Variants in PSEN1 observed in about 807,000 individuals in gnomAD.
PSEN1 encodes the protein presenilin 1.
Under a neutral mutation model 53.5 loss-of-function variants are expected in PSEN1, and 15 were observed. The ratio of observed to expected loss-of-function variants is 0.28; its 90% CI spans 0.19 to 0.43. PSEN1 has a LOEUF of 0.43. Among genes scored for constraint, PSEN1 ranks in the 20% least tolerant of loss-of-function variants. The probability of loss-of-function intolerance (pLI) is 1.00; values close to 1 mark genes in which losing one functional copy is unlikely to be tolerated. For synonymous variants in PSEN1, 208 were observed against 209.8 expected (o/e 0.99, Z 0.08); for missense variants, 387 against 571.2 (o/e 0.68, Z 3.29).
intron 6 of PSEN1, 30 bp downstream of exon 6, chr14:73,186,950 C>T: frequency 6.7e-7 from 1 of 1,497,368 alleles, no homozygotes; most frequent in Non-Finnish European, 9.3e-7. Context: ...GTCTGTCTTT[C>T]AGAATTAACT....
chr14:73,176,640 C>T (rs1898055602), intron 5 of PSEN1, among the ~76,000 whole-genome samples: 1 of 152,206 alleles, frequency 6.6e-6, no homozygotes, highest in Admixed American at 6.5e-5. Context: ...CTTTTCTCTG[C>T]TTTTAAGCAT....
intron 7 of PSEN1, 107 bp downstream of exon 7, chr14:73,192,971 C>T: frequency 1.1e-6 from 1 of 870,956 alleles, no homozygotes; most frequent in East Asian, 2.4e-5. Context: ...CGTGTACATC[C>T]CATAACTCTT....
At chr14:73,186,697 A>G (rs1898526255) in intron 5 of PSEN1, among the ~76,000 whole-genome samples, 156 bp from the exon 6 acceptor site, 1 of 152,186 alleles carries the variant, frequency 6.6e-6, no homozygotes, top group African/African-American at 2.4e-5. Flanking sequence ...GAATTGCTTG[A>G]ACCCAGGAGG....
rs778800054 is a variant in PSEN1 at position 73,211,884 on chromosome 14, A to G, written c.1071A>G (p.Ser357=). 13 of 1,613,914 alleles carry G rather than the reference A, an allele frequency of 8.1e-6. No individual in the cohort carries two copies. In the East Asian group the frequency reaches 2.9e-4, roughly 36 times the overall value. ...HLGPHRSTPE[S]RAAVQELSSS... is the part of the protein sequence containing the mutation. The stretch of plus-strand genomic sequence containing the variant: ...GGCCTCATCGCTCTACACCTGAGTC[A>G]CGAGCTGCTGTCCAGGAACTTTCCA... Residue 357 remains serine (S), a synonymous_variant, in exon 10 of 12, where the codon TCA becomes TCG. Transcript: ENST00000324501.
At chr14:73,197,094 A>G (rs1313739830) in intron 7 of PSEN1, among the ~76,000 whole-genome samples, 1 of 151,872 alleles carries the variant, frequency 6.6e-6, no homozygotes, top group Non-Finnish European at 1.5e-5. Context: ...CACCACACCC[A>G]GCTAATTTTT....
chr14:73,150,951 C>T (rs931499467), intron 3 of PSEN1, among the ~76,000 whole-genome samples: 2 of 151,682 alleles, frequency 1.3e-5, no homozygotes, highest in African/African-American at 2.4e-5. Flanking sequence ...GCCTGTAGTC[C>T]CAGCTACTTG....
intron 5 of PSEN1, among the ~76,000 whole-genome samples, chr14:73,184,540 G>C (rs1453661295): frequency 1.1e-3 from 134 of 123,914 alleles, no homozygotes; most frequent in African/African-American, 4.0e-3. Flanking sequence ...CCTCCCTCTC[G>C]GACAGGGCGG....
intron 3 of PSEN1, among the ~76,000 whole-genome samples, chr14:73,164,014 A>G (rs1897634562): frequency 6.6e-6 from 1 of 152,212 alleles, no homozygotes; most frequent in Non-Finnish European, 1.5e-5. Flanking sequence ...AAGCCTATTA[A>G]CAGTAATCCA....
At chr14:73,158,744 G>A (rs1223260531) in intron 3 of PSEN1, among the ~76,000 whole-genome samples, 4 of 152,206 alleles carry the variant, frequency 2.6e-5, no homozygotes. Context: ...TTATAGGCAT[G>A]AGCCTCTATG....
At chr14:73,201,290 G>C (rs376883976) in intron 8 of PSEN1, among the ~76,000 whole-genome samples, 2 of 152,120 alleles carry the variant, frequency 1.3e-5, no homozygotes, top group South Asian at 4.1e-4. Flanking sequence ...GTTTCACCAT[G>C]TTAGCCAGGA....
intron 7 of PSEN1, 115 bp from the exon 8 acceptor site, chr14:73,197,916 T>G: frequency 1.4e-6 from 1 of 692,022 alleles, no homozygotes; most frequent in Non-Finnish European, 2.6e-6. Flanking sequence ...TCTTTTTGTG[T>G]AAAAAGAGAC....
intron 5 of PSEN1, among the ~76,000 whole-genome samples, chr14:73,182,725 G>T (rs1021731710): frequency 4.6e-5 from 7 of 152,008 alleles, no homozygotes; most frequent in African/African-American, 1.7e-4. Context: ...TGTAATCCCA[G>T]CTACTCGGGA....
At chr14:73,209,749 A>C (rs1249593254) in intron 9 of PSEN1, among the ~76,000 whole-genome samples, 1 of 152,232 alleles carries the variant, frequency 6.6e-6, no homozygotes, top group Non-Finnish European at 1.5e-5. Context: ...AGGAAGTGGT[A>C]ATAGGGGACG....
At chr14:73,180,036 G>A (rs1898163467) in intron 5 of PSEN1, among the ~76,000 whole-genome samples, 2 of 151,916 alleles carry the variant, frequency 1.3e-5, no homozygotes, top group Non-Finnish European at 2.9e-5. Flanking sequence ...CCAGGCTGGA[G>A]TGTAGTGGCA....
At chr14:73,151,635 A>G (rs1897226340) in intron 3 of PSEN1, among the ~76,000 whole-genome samples, 1 of 152,028 alleles carries the variant, frequency 6.6e-6, no homozygotes. Flanking sequence ...AACTCACTGC[A>G]ACCTCGACCT....
At chr14:73,177,389 G>A (rs537706540) in intron 5 of PSEN1, among the ~76,000 whole-genome samples, 1 of 149,868 alleles carries the variant, frequency 6.7e-6, no homozygotes, top group African/African-American at 2.5e-5. Flanking sequence ...TTTTTTGTGT[G>A]TGTGTTTTTG....
In PSEN1 at chr14:73,207,322, T is replaced by TA. The variant is rs879805242; in HGVS notation, c.955+861dup. ...ATGGAGGCTACCTTCCCACACACAC[T>TA]AAAAAAAAAAAGAAAGGGTTGAGGA... On this transcript the variant is annotated intron_variant, in intron 9 of 11. Transcript: ENST00000324501. Among the ~76,000 whole-genome samples, 131 of 130,344 alleles carry TA rather than the reference T, an allele frequency of 1.0e-3. 1 individual carries two copies. Among genetic ancestry groups the TA allele is most frequent in the Non-Finnish European group, 1.4e-3 (82 of 60,098 alleles). 85.5% of individuals were successfully genotyped at this position (130,344 alleles called of 152,430 possible). A position where few individuals can be genotyped will look rare whatever the true frequency, so the allele number is the denominator to read the frequency against.
At chr14:73,217,768 A>G (rs1452143274) in intron 11 of PSEN1, among the ~76,000 whole-genome samples, 1 of 151,260 alleles carries the variant, frequency 6.6e-6, no homozygotes, top group Non-Finnish European at 1.5e-5. Flanking sequence ...GTGCTACAGC[A>G]TGAACCCTGA....
chr14:73,141,549 G>A (rs1237713414), intron 1 of PSEN1, among the ~76,000 whole-genome samples: 2 of 150,862 alleles, frequency 1.3e-5, no homozygotes, highest in Non-Finnish European at 3.0e-5. Context: ...TCCCAGCTAA[G>A]GTGGTGGATC....
Sources: gnomAD v4.1 joint callset for allele counts (sites outside exome capture counted in the v4.1 genomes callset) on GRCh38, gnomAD v4.1.1 for gene constraint, MANE v1.5 for transcripts, NCBI Gene and HGNC (gene_info 2026-07-23, HGNC 2026-07-21) for gene names.